ZNF280D: variants seen among roughly 807,000 people sequenced by gnomAD.
ZNF280D encodes suppressor of hairy wing homolog 4.
In ZNF280D, 39 loss-of-function variants were observed where a neutral mutation model predicts 94.7. The ratio of observed to expected loss-of-function variants is 0.41; its 90% CI spans 0.32 to 0.54. The LOEUF (loss-of-function observed/expected upper bound fraction) is 0.54. Ranked by LOEUF, ZNF280D falls within the 20% of genes least tolerant of loss-of-function variation. The pLI, the probability that ZNF280D is intolerant of heterozygous loss-of-function variation, is 0.22. For synonymous variants in ZNF280D, 398 were observed against 377.6 expected (o/e 1.05, Z -0.63); for missense variants, 1,090 against 1,149.3 (o/e 0.95, Z 0.75).
At chr15:56,684,557 T>A (rs537538277) in intron 9 of ZNF280D, among the ~76,000 whole-genome samples, 30 of 145,268 alleles carry the variant, frequency 2.1e-4, no homozygotes, top group African/African-American at 7.7e-4. Context: ...ATCAGAGACA[T>A]GAAGACAAAT....
chr15:56,655,623 C>T (rs1257763449), intron 17 of ZNF280D, among the ~76,000 whole-genome samples: 1 of 152,214 alleles, frequency 6.6e-6, no homozygotes, highest in Non-Finnish European at 1.5e-5. Flanking sequence ...TTTGTCCTCA[C>T]TGGATCTAAC....
intron 13 of ZNF280D, among the ~76,000 whole-genome samples, chr15:56,673,782 C>T (rs930831153): frequency 5.3e-5 from 8 of 152,024 alleles, no homozygotes; most frequent in Non-Finnish European, 1.0e-4. Context: ...CAGGTATACA[C>T]TCACCTCACT....
Position 56,660,161 on chromosome 15 carries a change from T to C in ZNF280D, c.1995-1675A>G, listed in dbSNP as rs528733156. On this transcript the variant is annotated intron_variant, in intron 16 of 21. Transcript: ENST00000267807. ...CTGAAATTATATGCAAAAACTTGTATACACAACTATATTTCCTCAGAGAAA... is the reference window on the plus strand; with the variant it reads ...CTGAAATTATATGCAAAAACTTGTACACACAACTATATTTCCTCAGAGAAA... Among the ~76,000 whole-genome samples, 5 of 152,278 alleles carry C rather than the reference T, an allele frequency of 3.3e-5. No individual in the cohort carries two copies. The South Asian group carries it at 1.0e-3, about 32-fold the overall frequency.
At chr15:56,729,660 AG>A (rs1383914715) in intron 1 of ZNF280D, 3 of 152,202 alleles carry the variant, frequency 2.0e-5, no homozygotes, top group Admixed American at 1.3e-4. Flanking sequence ...GTACGGGAAA[AG>A]CTTCAGTTAC....
At chr15:56,698,590 G>A (rs2056884086) in intron 6 of ZNF280D, 1 of 152,152 alleles carries the variant, frequency 6.6e-6, no homozygotes, top group African/African-American at 2.4e-5. Flanking sequence ...TGGTATTCAG[G>A]TCCTGTGTAA....
chr15:56,684,517 T>G (rs1232032803), intron 9 of ZNF280D, among the ~76,000 whole-genome samples: 2 of 150,564 alleles, frequency 1.3e-5, no homozygotes, highest in African/African-American at 4.9e-5. Flanking sequence ...AGTGGCAAAA[T>G]CAAGGGTGAA....
At chr15:56,639,255 G>C (rs1266965375) in intron 20 of ZNF280D, among the ~76,000 whole-genome samples, 7 of 147,188 alleles carry the variant, frequency 4.8e-5, no homozygotes, top group Non-Finnish European at 1.1e-4. Flanking sequence ...AAAGATGAAA[G>C]GCCAGAAAGA....
At chr15:56,689,645 T>C (rs190638904) in intron 7 of ZNF280D, among the ~76,000 whole-genome samples, 175 bp from the exon 8 acceptor site, 1 of 152,222 alleles carries the variant, frequency 6.6e-6, no homozygotes, top group Admixed American at 6.5e-5. Context: ...ATTGCACATA[T>C]ATTTATCATG....
At chr15:56,686,104 AT>A (rs1406146314) in intron 9 of ZNF280D, among the ~76,000 whole-genome samples, 1 of 152,190 alleles carries the variant, frequency 6.6e-6, no homozygotes, top group Non-Finnish European at 1.5e-5. Flanking sequence ...AGAAAAGGAT[AT>A]TTTATTAAAA....
At chr15:56,655,254 C>T (rs1314927264) in intron 17 of ZNF280D, among the ~76,000 whole-genome samples, 2 of 152,310 alleles carry the variant, frequency 1.3e-5, no homozygotes, top group South Asian at 2.1e-4. Context: ...GTCACCCAGG[C>T]GGGAGTGCAG....
At position 56,658,436 on chromosome 15, in the gene ZNF280D, G is replaced by GA; in HGVS notation, c.2044dup (p.Ser682PhefsTer13). On this transcript the variant is annotated frameshift_variant, in exon 17 of 22. Coordinates refer to ENST00000267807, the MANE Select transcript of ZNF280D (RefSeq NM_017661.4). LOFTEE classifies it high-confidence loss of function. ...ATCAACTAGTTACCGGAGATTTTCT[G>GA]AATGCTTCTTAAAAATACAAAACCT... 6.3e-7 allele frequency: 1 copy of GA among 1,588,470 alleles called. No individual in the cohort carries two copies.
intron 16 of ZNF280D, among the ~76,000 whole-genome samples, 183 bp downstream of exon 16, chr15:56,666,212 C>T (rs1645580441): frequency 6.6e-6 from 1 of 152,110 alleles, no homozygotes; most frequent in Non-Finnish European, 1.5e-5. Context: ...ATTTTAGTCC[C>T]ATAATTTCTA....
At chr15:56,723,391 T>C (rs1045332573) in intron 1 of ZNF280D, among the ~76,000 whole-genome samples, 1 of 152,184 alleles carries the variant, frequency 6.6e-6, no homozygotes, top group Non-Finnish European at 1.5e-5. Context: ...TCTATTTATA[T>C]CTAATATTCA....
intron 19 of ZNF280D, among the ~76,000 whole-genome samples, chr15:56,644,408 A>C (rs1596335827): frequency 6.6e-6 from 1 of 152,236 alleles, no homozygotes; most frequent in African/African-American, 2.4e-5. Context: ...AGTACTAAGA[A>C]AACATGAAAC....
chr15:56,703,107 A>AT (rs1390062321), intron 4 of ZNF280D, among the ~76,000 whole-genome samples: 7 of 152,190 alleles, frequency 4.6e-5, no homozygotes, highest in Admixed American at 1.3e-4. Context: ...TTGAGTGGAC[A>AT]TTTTAACAAA....
At chr15:56,713,655 A>G (rs1567027394) in intron 1 of ZNF280D, among the ~76,000 whole-genome samples, 1 of 152,208 alleles carries the variant, frequency 6.6e-6, no homozygotes, top group Non-Finnish European at 1.5e-5. Context: ...TAACAATCTA[A>G]TATTTCAAAC....
chr15:56,692,040 T>C (rs183282427), intron 7 of ZNF280D, among the ~76,000 whole-genome samples: 4 of 152,246 alleles, frequency 2.6e-5, no homozygotes, highest in East Asian at 1.9e-4. Flanking sequence ...AGAACACTTA[T>C]ACAGAAAGAA....
At chr15:56,642,361 C>T (rs2052670621) in intron 20 of ZNF280D, among the ~76,000 whole-genome samples, 1 of 151,810 alleles carries the variant, frequency 6.6e-6, no homozygotes, top group Non-Finnish European at 1.5e-5. Flanking sequence ...TACCTCACTT[C>T]ATTACACTCA....
chr15:56,659,884 G>T (rs1190119171), intron 16 of ZNF280D, among the ~76,000 whole-genome samples: 1 of 148,980 alleles, frequency 6.7e-6, no homozygotes, highest in Non-Finnish European at 1.5e-5. Flanking sequence ...AGCACCACAT[G>T]TATGTATAGG....
Sources: allele counts gnomAD v4.1 joint callset (sites outside exome capture counted in the v4.1 genomes callset), GRCh38; gene constraint gnomAD v4.1.1; transcripts MANE v1.5; gene names NCBI Gene and HGNC (gene_info 2026-07-23, HGNC 2026-07-21).